ZNF804A: variants seen among roughly 807,000 people sequenced by gnomAD.
ZNF804A encodes the protein zinc finger protein 804A.
In ZNF804A, 2 loss-of-function variants were observed where a neutral mutation model predicts 16.5. The ratio of observed to expected loss-of-function variants is 0.12; its 90% CI spans 0.05 to 0.38. The LOEUF is 0.38. Ranked by LOEUF, ZNF804A falls within the 10% of genes least tolerant of loss-of-function variation. ZNF804A has a pLI of 0.99. For missense variants in ZNF804A, 1,473 were observed against 1,390.7 expected, an observed-to-expected ratio of 1.06 and a Z score of -0.94; for synonymous variants, 534 against 489.6, an observed-to-expected ratio of 1.09 and a Z score of -1.20.
chr2:184,674,776 T>C (rs1315167533), intron 1 of ZNF804A, among the ~76,000 whole-genome samples: 2 of 77,838 alleles, frequency 2.6e-5, no homozygotes, highest in Non-Finnish European at 3.2e-5. Context: ...AGAAAAATTA[T>C]TTTAAAATTT....
intron 1 of ZNF804A, among the ~76,000 whole-genome samples, chr2:184,772,127 A>G (rs1379183118): frequency 6.7e-6 from 1 of 148,646 alleles, no homozygotes; most frequent in African/African-American, 2.4e-5. Flanking sequence ...TAAATATAAG[A>G]TACTGCAGTT....
chr2:184,656,103 TTC>T (rs1692070280), intron 1 of ZNF804A, among the ~76,000 whole-genome samples: 1 of 152,162 alleles, frequency 6.6e-6, no homozygotes, highest in African/African-American at 2.4e-5. Flanking sequence ...TTTTAATGTG[TTC>T]TGTCATTAGT....
At chr2:184,726,765 TAC>T (rs1424919351) in intron 1 of ZNF804A, among the ~76,000 whole-genome samples, 2 of 151,508 alleles carry the variant, frequency 1.3e-5, no homozygotes. Context: ...TTTGTAAAAA[TAC>T]ACAGTTATCC....
intron 1 of ZNF804A, among the ~76,000 whole-genome samples, chr2:184,678,415 A>G (rs1025920062): frequency 1.3e-5 from 2 of 152,090 alleles, no homozygotes; most frequent in Admixed American, 1.3e-4. Flanking sequence ...TATCAAGTCT[A>G]TTTCCTACTA....
chr2:184,924,880 T>G (rs1685585701), intron 2 of ZNF804A, among the ~76,000 whole-genome samples: 1 of 152,002 alleles, frequency 6.6e-6, no homozygotes, highest in African/African-American at 2.4e-5. Context: ...ATTTCTGGTT[T>G]TATTCCATTG....
intron 1 of ZNF804A, among the ~76,000 whole-genome samples, chr2:184,857,521 T>C (rs1036818607): frequency 2.6e-5 from 4 of 152,142 alleles, no homozygotes; most frequent in African/African-American, 9.7e-5. Context: ...TTAAGTCCCA[T>C]GTTTCCTTAT....
At chr2:184,791,640 G>A (rs1694546794) in intron 1 of ZNF804A, among the ~76,000 whole-genome samples, 1 of 151,924 alleles carries the variant, frequency 6.6e-6, no homozygotes, top group Non-Finnish European at 1.5e-5. Context: ...CTCTATCAAT[G>A]TTCCAAACCA....
intron 1 of ZNF804A, among the ~76,000 whole-genome samples, chr2:184,830,968 G>T (rs1574232390): frequency 1.3e-5 from 2 of 152,172 alleles, no homozygotes; most frequent in African/African-American, 4.8e-5. Flanking sequence ...AGAGGGTAAA[G>T]AAGCAAAAAT....
rs2105844305 is a variant in ZNF804A, at chr2:184,937,033, A to G, written c.1637A>G (p.Gln546Arg). The change falls in exon 4 of 4, where the codon CAG (glutamine) becomes CGG (arginine). Residue 546 changes from glutamine to arginine, a missense_variant. Transcript: ENST00000302277. Reference sequence around the variant, plus strand: ...TCTGGAAAAAATGAGAACACAGGTCAGAGGTATAAAAACATTTCCTGTAAG... The same window carrying G: ...TCTGGAAAAAATGAGAACACAGGTCGGAGGTATAAAAACATTTCCTGTAAG... ...CDSGKNENTGQRYKNISCKIR... is the reference protein window; with the variant it reads ...CDSGKNENTGRRYKNISCKIR... 6.2e-7 allele frequency: 1 copy of G among 1,610,288 alleles called. No homozygotes were observed. The highest frequency in any genetic ancestry group is 1.3e-5 in the African/African-American group (1 of 74,750).
At position 184,936,580 on chromosome 2, in the gene ZNF804A, G is replaced by A; in HGVS notation, c.1184G>A (p.Gly395Asp). ...ASTTEVENKN[G>D]PETLAPSNTE... is the part of the protein sequence containing the mutation. ...ACAACTGAGGTTGAAAATAAAAATG[G>A]TCCCGAGACATTGGCCCCTTCAAAT... The change falls in exon 4 of 4, where the codon GGT becomes GAT. Residue 395 changes from glycine to aspartate, a missense_variant. Gly to Asp is a moderately conservative substitution (Grantham distance 94). Coordinates refer to ENST00000302277, the MANE Select transcript of ZNF804A (RefSeq NM_194250.2). The A allele has an allele frequency of 6.2e-7, 1 of 1,613,898 alleles. No individual in the cohort carries two copies. Among genetic ancestry groups the A allele is most frequent in the East Asian group, 2.2e-5 (1 of 44,834 alleles).
chr2:184,610,904 G>T (rs937990240), intron 1 of ZNF804A, among the ~76,000 whole-genome samples: 3 of 152,116 alleles, frequency 2.0e-5, no homozygotes, highest in African/African-American at 7.2e-5. Context: ...GCTATGTATG[G>T]ATTTACATAA....
In ZNF804A at chr2:184,936,531, A is replaced by C; in HGVS notation, c.1135A>C (p.Asn379His). ...ATCTGTGCAAGCTACCACAGAGGAA[A>C]ATGTTAAGCATAACGAGGCATCCAC... is the stretch of plus-strand genomic sequence containing the variant. ...CISVQATTEE[N>H]VKHNEASTTE... Residue 379 changes from asparagine (N) to histidine (H), a missense_variant, in exon 4 of 4, where the codon AAT (asparagine) becomes CAT (histidine). Physicochemically the swap from Asn to His is moderately conservative, Grantham distance 68. Coordinates refer to ENST00000302277, the MANE Select transcript of ZNF804A (RefSeq NM_194250.2). 2 of 1,613,998 alleles carry C rather than the reference A, an allele frequency of 1.2e-6. No homozygotes were observed.
intron 1 of ZNF804A, among the ~76,000 whole-genome samples, chr2:184,717,729 A>G (rs1693237136): frequency 6.6e-6 from 1 of 152,150 alleles, no homozygotes; most frequent in Non-Finnish European, 1.5e-5. Flanking sequence ...AGTACATGTG[A>G]TATTTCGTTA....
intron 1 of ZNF804A, among the ~76,000 whole-genome samples, chr2:184,749,160 C>G (rs1224398731): frequency 6.6e-6 from 1 of 151,216 alleles, no homozygotes; most frequent in Non-Finnish European, 1.5e-5. Flanking sequence ...CTGTAAATTG[C>G]TATGAGAAGT....
chr2:184,740,876 C>T (rs1042508923), intron 1 of ZNF804A, among the ~76,000 whole-genome samples: 4 of 152,242 alleles, frequency 2.6e-5, no homozygotes, highest in Admixed American at 6.5e-5. Context: ...GCAGAAATTA[C>T]TCAACTACTT....
At chr2:184,791,107 T>C (rs1041457845) in intron 1 of ZNF804A, among the ~76,000 whole-genome samples, 2 of 152,158 alleles carry the variant, frequency 1.3e-5, no homozygotes, top group Non-Finnish European at 2.9e-5. Flanking sequence ...CAGATGGTTG[T>C]CTTTTATTTT....
intron 1 of ZNF804A, among the ~76,000 whole-genome samples, chr2:184,849,533 G>A (rs1322652371): frequency 2.0e-5 from 3 of 152,018 alleles, no homozygotes; most frequent in Non-Finnish European, 4.4e-5. Context: ...ACCACAAGGA[G>A]ATACCATCTT....
chr2:184,723,026 A>C (rs1693342775), intron 1 of ZNF804A, among the ~76,000 whole-genome samples: 1 of 151,940 alleles, frequency 6.6e-6, no homozygotes, highest in Non-Finnish European at 1.5e-5. Flanking sequence ...CATAATACAA[A>C]ATCTGAAGGC....
chr2:184,876,371 A>G (rs927432188), intron 2 of ZNF804A, among the ~76,000 whole-genome samples: 1 of 150,354 alleles, frequency 6.7e-6, no homozygotes, highest in African/African-American at 2.4e-5. Flanking sequence ...ATCACTTCAC[A>G]TATCTTCCAT....
Sources: allele counts gnomAD v4.1 joint callset (sites outside exome capture counted in the v4.1 genomes callset), GRCh38; gene constraint gnomAD v4.1.1; transcripts MANE v1.5; gene names NCBI Gene and HGNC (gene_info 2026-07-23, HGNC 2026-07-21).